The following OTUD3 variants were observed in gnomAD, a reference collection of about 807,000 sequenced individuals.
OTUD3 encodes the protein OTU domain-containing protein 3.
A neutral mutation model predicts 46.2 loss-of-function variants in OTUD3; 24 were observed. The ratio of observed to expected loss-of-function variants is 0.52; its 90% CI spans 0.38 to 0.73. The LOEUF is 0.73. OTUD3 is among the 30% of genes least tolerant of loss of function. The probability of loss-of-function intolerance (pLI) is 0.00; values close to 1 mark genes in which losing one functional copy is unlikely to be tolerated. For missense variants in OTUD3, 455 were observed against 523.3 expected, an observed-to-expected ratio of 0.87 and a Z score of 1.27; for synonymous variants, 189 against 195.4, an observed-to-expected ratio of 0.97 and a Z score of 0.27.
In OTUD3 at chr1:19,894,478, C is replaced by T. The variant is rs775945726; in HGVS notation, c.481C>T (p.Gln161Ter). The T allele has an allele frequency of 6.5e-7, 1 of 1,543,224 alleles. No individual in the cohort carries two copies. Among genetic ancestry groups the T allele is most frequent in the South Asian group, 1.2e-5 (1 of 86,436 alleles). Residue 161 changes from glutamine to a stop codon, truncating the protein, a stop_gained and splice_region_variant, in exon 3 of 8, where the codon CAG (glutamine) becomes TAG (stop). Transcript: ENST00000375120. LOFTEE classifies it high-confidence loss of function. ...VIHQLNAPLWQIRGTEKSSVR... is the reference protein window; with the variant it reads ...VIHQLNAPLW ...TCATCAACTTAATGCCCCTTTGTGG[C>T]AGGTAGGTCACCTATTTAAACATTT...
intron 4 of OTUD3, among the ~76,000 whole-genome samples, chr1:19,902,769 A>G (rs2045608238): frequency 6.6e-6 from 1 of 152,130 alleles, no homozygotes; most frequent in East Asian, 1.9e-4. Flanking sequence ...TTACAGAATT[A>G]TATCATCTAC....
intron 1 of OTUD3, among the ~76,000 whole-genome samples, chr1:19,887,780 A>G (rs1214614517): frequency 6.6e-6 from 1 of 152,190 alleles, no homozygotes; most frequent in Non-Finnish European, 1.5e-5. Flanking sequence ...CACATCATTT[A>G]TCTGAATACG....
At chr1:19,907,511 G>T in intron 7 of OTUD3, 59 bp from the exon 8 acceptor site, 1 of 1,542,732 alleles carries the variant, frequency 6.5e-7, no homozygotes, top group South Asian at 1.2e-5. Flanking sequence ...CTCCCTTCTA[G>T]CAGGTGGCAG....
intron 4 of OTUD3, among the ~76,000 whole-genome samples, chr1:19,900,921 T>G (rs945886534): frequency 4.8e-5 from 7 of 147,084 alleles, no homozygotes; most frequent in Non-Finnish European, 1.1e-4. Context: ...TTTTTGTTTT[T>G]TTTTTTTTTT....
chr1:19,882,796 C>G, intron 1 of OTUD3, 62 bp downstream of exon 1: 22 of 1,235,670 alleles, frequency 1.8e-5, no homozygotes, highest in Non-Finnish European at 2.2e-5. Flanking sequence ...GGCCTGGCGA[C>G]CGTTGCCCGC....
At chr1:19,900,825 C>T (rs1034435909) in intron 4 of OTUD3, among the ~76,000 whole-genome samples, 1 of 150,378 alleles carries the variant, frequency 6.6e-6, no homozygotes, top group Non-Finnish European at 1.5e-5. Flanking sequence ...TTATAAGTTT[C>T]CTTATATGTT....
At chr1:19,902,852 T>A (rs2045609306) in intron 4 of OTUD3, among the ~76,000 whole-genome samples, 1 of 152,096 alleles carries the variant, frequency 6.6e-6, no homozygotes. Context: ...GGCTGTTACC[T>A]CCAAAATATT....
Position 19,908,598 on chromosome 1 carries a change from G to A in OTUD3, c.*852G>A, listed in dbSNP as rs552970129. On this transcript the variant is annotated 3_prime_UTR_variant, in exon 8 of 8. Coordinates refer to ENST00000375120, the MANE Select transcript of OTUD3 (RefSeq NM_015207.2). ...TAGTTGTAACAGGAGACGAACTCCT[G>A]GGGTTTTGCCTAAGAGGAGTCTAAA... is the stretch of plus-strand genomic sequence containing the variant. 1 of 152,452 alleles carries A rather than the reference G, an allele frequency of 6.6e-6. No individual in the cohort carries two copies. Among genetic ancestry groups the A allele is most frequent in the East Asian group, 1.9e-4 (1 of 5,326 alleles). The allele number at this position is 152,452 out of a possible 1,614,324, so 9.4% of individuals were successfully genotyped here.
rs771796005 is a variant in OTUD3 at position 19,897,616 on chromosome 1, G to A, written c.560G>A (p.Arg187Gln). Residue 187 changes from arginine to glutamine, a missense_variant, in exon 4 of 8, where the codon CGG becomes CAG. Physicochemically the swap from Arg to Gln is conservative, Grantham distance 43. Coordinates refer to ENST00000375120, the MANE Select transcript of OTUD3 (RefSeq NM_015207.2). ...TATGGAGAGCACTACGACAGTGTTC[G>A]GAGGATCAATGACAACTCAGAGGCA... is the stretch of plus-strand genomic sequence containing the variant. ...YRYGEHYDSVRRINDNSEAPA... is the reference protein window; with the variant it reads ...YRYGEHYDSVQRINDNSEAPA... 32 of 1,614,000 alleles carry A rather than the reference G, an allele frequency of 2.0e-5. No individual in the cohort carries two copies. The highest frequency in any genetic ancestry group is 2.4e-5 in the Non-Finnish European group (28 of 1,179,950).
intron 4 of OTUD3, among the ~76,000 whole-genome samples, chr1:19,898,866 A>C (rs2045551843): frequency 6.6e-6 from 1 of 152,148 alleles, no homozygotes; most frequent in South Asian, 2.1e-4. Context: ...GCTGGAGTGC[A>C]GTGGCACCAT....
chr1:19,900,636 T>C (rs751910400), intron 4 of OTUD3, among the ~76,000 whole-genome samples: 32 of 152,212 alleles, frequency 2.1e-4, no homozygotes, highest in Non-Finnish European at 4.1e-4. Flanking sequence ...ACATCTTTTC[T>C]CCACTGATTT....
At chr1:19,883,567 C>T (rs1436414639) in intron 1 of OTUD3, among the ~76,000 whole-genome samples, 1 of 152,030 alleles carries the variant, frequency 6.6e-6, no homozygotes, top group African/African-American at 2.4e-5. Flanking sequence ...TTTTTTTCCT[C>T]CCCGTATTTG....
At chr1:19,901,110 G>A (rs1055732967) in intron 4 of OTUD3, among the ~76,000 whole-genome samples, 4 of 151,902 alleles carry the variant, frequency 2.6e-5, no homozygotes, top group Admixed American at 2.0e-4. Flanking sequence ...GGGTTTCACC[G>A]TGTTGGCCAG....
At chr1:19,897,725 A>AT (rs1461444060) in intron 4 of OTUD3, 63 bp downstream of exon 4, 4 of 1,506,182 alleles carry the variant, frequency 2.7e-6, no homozygotes, top group Non-Finnish European at 2.7e-6. Flanking sequence ...TGAGAGCTGT[A>AT]TATCTGGCGC....
intron 2 of OTUD3, among the ~76,000 whole-genome samples, chr1:19,892,074 G>T (rs534054202): frequency 2.0e-5 from 3 of 152,232 alleles, no homozygotes; most frequent in African/African-American, 7.2e-5. Flanking sequence ...GTGGATTTTG[G>T]GGTGTTACAG....
At chr1:19,904,456 ACTT>A (rs2045631117) in intron 5 of OTUD3, 58 bp downstream of exon 5, 3 of 1,522,662 alleles carry the variant, frequency 2.0e-6, no homozygotes, top group South Asian at 2.5e-5. Flanking sequence ...TGCCTAGCTT[ACTT>A]CTTAGTTTCG....
intron 3 of OTUD3, among the ~76,000 whole-genome samples, chr1:19,896,013 T>G (rs528709882): frequency 3.3e-4 from 51 of 152,312 alleles, no homozygotes; most frequent in African/African-American, 1.2e-3. Context: ...TAGTGTTCTC[T>G]TTCATAAATT....
Position 19,912,198 on chromosome 1 carries a change from C to A in OTUD3, c.*4452C>A, listed in dbSNP as rs2045742087. 6.6e-6 allele frequency: 1 copy of A among 152,382 alleles called. No homozygotes were observed. Among genetic ancestry groups the A allele is most frequent in the African/African-American group, 2.4e-5 (1 of 41,470 alleles). The allele number at this position is 152,382 out of a possible 1,614,324, so 9.4% of individuals were successfully genotyped here. On this transcript the variant is annotated 3_prime_UTR_variant, in exon 8 of 8. Transcript: ENST00000375120. ...CTTGCGGCTGGCGGCGATTGCCGGA[C>A]AGACTCTCTGTGGCCTGGCTCTCAT...
chr1:19,882,976 A>C (rs12124726), intron 1 of OTUD3, among the ~76,000 whole-genome samples: 51,902 of 152,098 alleles, frequency 0.34, 9,167 homozygotes, highest in Non-Finnish European at 0.4. Context: ...AGCGAAATAG[A>C]AAGTGGGTGC....
Sources: gnomAD v4.1 joint callset for allele counts (sites outside exome capture counted in the v4.1 genomes callset) on GRCh38, gnomAD v4.1.1 for gene constraint, MANE v1.5 for transcripts, NCBI Gene and HGNC (gene_info 2026-07-23, HGNC 2026-07-21) for gene names.